GFOD1: variants seen among roughly 807,000 people sequenced by gnomAD.
GFOD1 encodes the protein glucose-fructose oxidoreductase domain-containing protein 1.
A neutral mutation model predicts 25.4 loss-of-function variants in GFOD1; 9 were observed. The observed-to-expected ratio is 0.35, with a 90% CI of 0.21 to 0.62. The LOEUF is 0.62. GFOD1 is among the 20% of genes least tolerant of loss of function. GFOD1 has a pLI of 0.72. For missense variants in GFOD1, 403 were observed against 556.9 expected, an observed-to-expected ratio of 0.72 and a Z score of 2.78; for synonymous variants, 253 against 245.6, an observed-to-expected ratio of 1.03 and a Z score of -0.28.
intron 1 of GFOD1, among the ~76,000 whole-genome samples, chr6:13,406,474 G>T (rs1452492963): frequency 6.6e-6 from 1 of 152,144 alleles, no homozygotes; most frequent in Non-Finnish European, 1.5e-5. Flanking sequence ...TTCACGTTAG[G>T]ACTGTACAAC....
intron 1 of GFOD1, among the ~76,000 whole-genome samples, chr6:13,464,012 C>T (rs118059131): frequency 2.6e-5 from 4 of 152,112 alleles, no homozygotes; most frequent in East Asian, 1.9e-4. Context: ...ACGTATATAC[C>T]GGATCATAAT....
chr6:13,476,859 C>T (rs1758634181), intron 1 of GFOD1, among the ~76,000 whole-genome samples: 1 of 152,118 alleles, frequency 6.6e-6, no homozygotes, highest in Admixed American at 6.5e-5. Flanking sequence ...CAAGGCATCC[C>T]AGACTTGCCC....
chr6:13,391,437 G>A (rs1433704202), intron 1 of GFOD1, among the ~76,000 whole-genome samples: 1 of 146,946 alleles, frequency 6.8e-6, no homozygotes, highest in Non-Finnish European at 1.5e-5. Context: ...GGTGAAGGTT[G>A]CAGTGAGCTG....
intron 1 of GFOD1, among the ~76,000 whole-genome samples, chr6:13,444,643 A>G (rs896837775): frequency 1.3e-5 from 2 of 152,174 alleles, no homozygotes; most frequent in African/African-American, 2.4e-5. Flanking sequence ...AATATTTAAT[A>G]TAGAACGTTT....
intron 1 of GFOD1, among the ~76,000 whole-genome samples, chr6:13,476,816 G>T (rs987134033): frequency 6.6e-6 from 1 of 152,048 alleles, no homozygotes; most frequent in African/African-American, 2.4e-5. Context: ...TCCACAGTAG[G>T]ATATCAACAA....
intron 1 of GFOD1, among the ~76,000 whole-genome samples, chr6:13,429,121 C>A (rs1478800715): frequency 6.6e-6 from 1 of 152,158 alleles, no homozygotes; most frequent in Non-Finnish European, 1.5e-5. Flanking sequence ...AAGACCCCAG[C>A]AGAAATCAAG....
intron 1 of GFOD1, among the ~76,000 whole-genome samples, chr6:13,463,855 A>G (rs1758334509): frequency 6.6e-6 from 1 of 152,172 alleles, no homozygotes; most frequent in African/African-American, 2.4e-5. Flanking sequence ...AGATAAATAT[A>G]TATCTATCCA....
intron 1 of GFOD1, among the ~76,000 whole-genome samples, chr6:13,404,321 C>T (rs1207658897): frequency 6.6e-6 from 1 of 152,194 alleles, no homozygotes; most frequent in Non-Finnish European, 1.5e-5. Flanking sequence ...CTTCTTAGAA[C>T]TGAGGGAAAC....
chr6:13,445,583 G>C (rs1467590897), intron 1 of GFOD1, among the ~76,000 whole-genome samples: 1 of 152,224 alleles, frequency 6.6e-6, no homozygotes, highest in East Asian at 1.9e-4. Flanking sequence ...GAAGTGGGAA[G>C]AAGATTCTTA....
rs34431944 is a variant in GFOD1 at position 13,447,740 on chromosome 6, CAAAAAAAAAAAAAAAAAA to C, written c.253+38880_253+38897del. Among the ~76,000 whole-genome samples, 244 of 31,934 alleles carry C rather than the reference CAAAAAAAAAAAAAAAAAA, an allele frequency of 7.6e-3. 1 individual carries two copies. Among genetic ancestry groups the C allele is most frequent in the African/African-American group, 0.026 (223 of 8,522 alleles). The allele number at this position is 31,934 out of a possible 152,430, so 20.9% of individuals were successfully genotyped here. On this transcript the variant is annotated intron_variant, in intron 1 of 1. Coordinates refer to ENST00000379287, the MANE Select transcript of GFOD1 (RefSeq NM_018988.4). ...TGGGTGACAGAGCGAGACTCCTTCT[CAAAAAAAAAAAAAAAAAA>C]AAAAAAAAAAAAAGAGTTTTCCAGT...
chr6:13,459,088 G>A (rs894058767), intron 1 of GFOD1, among the ~76,000 whole-genome samples: 6 of 152,112 alleles, frequency 3.9e-5, no homozygotes, highest in African/African-American at 1.4e-4. Flanking sequence ...GGGCCACAAG[G>A]GCTCTGCTCT....
rs1370997567 is a variant in GFOD1 at position 13,486,257 on chromosome 6, CCA to C, written c.253+379_253+380del. On this transcript the variant is annotated intron_variant, in intron 1 of 1. Transcript: ENST00000379287. ...TCCTCCACCCCCCCATCCCCCCCCC[CCA>C]CACACACACACTTGGACACTACACA... 188 of 277,308 alleles carry C rather than the reference CCA, an allele frequency of 6.8e-4. 2 individuals are homozygous for C. The highest frequency in any genetic ancestry group is 3.7e-3 in the Middle Eastern group (2 of 540). 17.2% of individuals were successfully genotyped at this position (277,308 alleles called of 1,614,324 possible).
At chr6:13,444,759 T>C (rs1362973299) in intron 1 of GFOD1, among the ~76,000 whole-genome samples, 2 of 152,214 alleles carry the variant, frequency 1.3e-5, no homozygotes, top group East Asian at 3.8e-4. Flanking sequence ...TACAGTGTAG[T>C]GTAAACATAA....
chr6:13,433,125 T>A (rs1261096370), intron 1 of GFOD1, among the ~76,000 whole-genome samples: 2 of 151,310 alleles, frequency 1.3e-5, no homozygotes, highest in Non-Finnish European at 3.0e-5. Flanking sequence ...TCCCTTTTTT[T>A]TTTTTTTTTT....
rs546624048 is a variant in GFOD1, at chr6:13,433,479, C to G, written c.253+53159G>C. ...CTGTGCATCATAGGATATTTAGCAG[C>G]ATTCCTGGCCTCTACTCCTAGATGC... On this transcript the variant is annotated intron_variant, in intron 1 of 1. Coordinates refer to ENST00000379287, the MANE Select transcript of GFOD1 (RefSeq NM_018988.4). Among the ~76,000 whole-genome samples the G allele has an allele frequency of 1.3e-3, 201 of 152,308 alleles. 2 individuals are homozygous for G. The highest frequency in any genetic ancestry group is 2.0e-3 in the Non-Finnish European group (138 of 68,020).
chr6:13,401,860 T>C (rs576367143), intron 1 of GFOD1, among the ~76,000 whole-genome samples: 2 of 152,296 alleles, frequency 1.3e-5, no homozygotes, highest in South Asian at 4.1e-4. Flanking sequence ...GATCCCAGAA[T>C]AGCAAATGTT....
chr6:13,438,915 T>C (rs1757872549), intron 1 of GFOD1, among the ~76,000 whole-genome samples: 1 of 152,184 alleles, frequency 6.6e-6, no homozygotes, highest in South Asian at 2.1e-4. Flanking sequence ...CCAGACACAA[T>C]GGATTTTATA....
At chr6:13,478,382 C>T (rs1326910862) in intron 1 of GFOD1, among the ~76,000 whole-genome samples, 1 of 152,168 alleles carries the variant, frequency 6.6e-6, no homozygotes, top group Non-Finnish European at 1.5e-5. Flanking sequence ...TCAGGTGATC[C>T]ACCACCTCGG....
intron 1 of GFOD1, among the ~76,000 whole-genome samples, chr6:13,414,719 T>A (rs1028865460): frequency 4.6e-5 from 7 of 152,240 alleles, no homozygotes; most frequent in African/African-American, 1.7e-4. Context: ...GCTATTATCC[T>A]GAATCTAAAC....
Sources: gnomAD v4.1 joint callset for allele counts (sites outside exome capture counted in the v4.1 genomes callset) on GRCh38, gnomAD v4.1.1 for gene constraint, MANE v1.5 for transcripts, NCBI Gene and HGNC (gene_info 2026-07-23, HGNC 2026-07-21) for gene names.